Variants in PML observed in about 807,000 individuals in gnomAD.
The protein encoded by PML is PML nuclear body scaffold.
A neutral mutation model predicts 65.2 loss-of-function variants in PML; 28 were observed. The ratio of observed to expected loss-of-function variants is 0.43; its 90% CI spans 0.32 to 0.59. The LOEUF (loss-of-function observed/expected upper bound fraction) is 0.59. Among genes scored for constraint, PML ranks in the 20% least tolerant of loss-of-function variants. The pLI, the probability that PML is intolerant of heterozygous loss-of-function variation, is 0.08. For synonymous variants in PML, 500 were observed against 508.8 expected (o/e 0.98, Z 0.23); for missense variants, 1,021 against 1,203.4 (o/e 0.85, Z 2.24).
At chr15:73,999,720 T>C (rs1595876917) in intron 2 of PML, among the ~76,000 whole-genome samples, 1 of 152,354 alleles carries the variant, frequency 6.6e-6, no homozygotes, top group Non-Finnish European at 1.5e-5. Context: ...GCTCTTACAA[T>C]TTATGCAGTT....
rs1484441017 is a variant in PML at position 74,042,937 on chromosome 15, G to C, written c.1711-52G>C. The C allele has an allele frequency of 6.2e-7, 1 of 1,611,944 alleles. No homozygotes were observed. The highest frequency in any genetic ancestry group is 8.5e-7 in the Non-Finnish European group (1 of 1,179,980). ...ACCAGCTTGCTAGTGTTCTGCACAG[G>C]TGCTTGCCTTGGCCCTCTGAATCCC... is the stretch of plus-strand genomic sequence containing the variant. On this transcript the variant is annotated intron_variant, in intron 7 of 8. Transcript: ENST00000268058. This position sits in a 1 kb window ranked among gnomAD's most constrained non-coding sequence, Gnocchi z 5.3.
At position 74,035,990 on chromosome 15, in the gene PML, C is replaced by G. The variant is rs780898373; in HGVS notation, c.1710+1460C>G. On this transcript the variant is annotated intron_variant, in intron 7 of 8. Transcript: ENST00000268058. This position sits in a 1 kb window ranked among gnomAD's most constrained non-coding sequence, Gnocchi z 4.1. ...CTCTTGTAACCTTGCAGCCAACACCCCTGCCCGGCCCCTGAGCTGCCTCCT... is the reference window on the plus strand; with the variant it reads ...CTCTTGTAACCTTGCAGCCAACACCGCTGCCCGGCCCCTGAGCTGCCTCCT... 1 of 1,614,132 alleles carries G rather than the reference C, an allele frequency of 6.2e-7. No homozygotes were observed. The highest frequency in any genetic ancestry group is 8.5e-7 in the Non-Finnish European group (1 of 1,180,030).
intron 5 of PML, 108 bp from the exon 6 acceptor site, chr15:74,033,048 G>A: frequency 8.4e-7 from 1 of 1,187,340 alleles, no homozygotes; most frequent in Non-Finnish European, 1.2e-6. Context: ...CAGAGGAGAG[G>A]GGACAGCAGG....
At chr15:74,040,940 A>C (rs1245379592) in intron 7 of PML, among the ~76,000 whole-genome samples, 1 of 152,234 alleles carries the variant, frequency 6.6e-6, no homozygotes, top group Non-Finnish European at 1.5e-5. Context: ...AGTGGCTGCC[A>C]TAAATGACCC....
rs1301616256 is a variant in PML, at chr15:74,042,549, T to C, written c.1711-440T>C. 3.0e-6 allele frequency: 3 copies of C among 985,268 alleles called. No homozygotes were observed. Among genetic ancestry groups the C allele is most frequent in the African/African-American group, 1.7e-5 (1 of 57,234 alleles). The allele number at this position is 985,268 out of a possible 1,614,324, so 61.0% of individuals were successfully genotyped here. A position where few individuals can be genotyped will look rare whatever the true frequency, so the allele number is the denominator to read the frequency against. On this transcript the variant is annotated intron_variant, in intron 7 of 8. Coordinates refer to ENST00000268058, the MANE Select transcript of PML (RefSeq NM_033238.3). This position sits in a 1 kb window ranked among gnomAD's most constrained non-coding sequence, Gnocchi z 5.3. Reference sequence around the variant, plus strand: ...CAGACATCTCAGGTCCTGCCTGCCATAGCAGATGGCTCCTTCCCTGAGCCT... The same window carrying C: ...CAGACATCTCAGGTCCTGCCTGCCACAGCAGATGGCTCCTTCCCTGAGCCT...
In PML at chr15:74,023,071, C is replaced by T; in HGVS notation, c.846C>T (p.Arg282=). 1 of 1,602,922 alleles carries T rather than the reference C, an allele frequency of 6.2e-7. No homozygotes were observed. Among genetic ancestry groups the T allele is most frequent in the Non-Finnish European group, 8.5e-7 (1 of 1,178,594 alleles). Residue 282 remains arginine, a synonymous_variant, in exon 3 of 9, where the codon CGC becomes CGT. Transcript: ENST00000268058. ...RAETEELIRE[R]VRQVVAHVRA... ...AGACCGAGGAGCTGATCCGCGAGCG[C>T]GTGCGCCAGGTGGTAGCTCACGTGC...
chr15:74,034,371 T>C (rs985929015), intron 6 of PML, 107 bp from the exon 7 acceptor site: 1 of 1,484,708 alleles, frequency 6.7e-7, no homozygotes, highest in African/African-American at 1.4e-5. Context: ...AGGGCATCCG[T>C]TTCCCCCAGC....
Position 74,044,747 on chromosome 15 carries a change from C to A in PML, c.2388C>A (p.Arg796=), listed in dbSNP as rs748085152. ...CTGTGCTGCCCCGGGCTGAGGCCCGCCTCCTGGCCCTACACAACGTGAGCT... is the reference window on the plus strand; with the variant it reads ...CTGTGCTGCCCCGGGCTGAGGCCCGACTCCTGGCCCTACACAACGTGAGCT... ...QAAVLPRAEA[R]LLALHNVSFM... The change falls in exon 9 of 9, where the codon CGC becomes CGA. Residue 796 remains arginine, a synonymous_variant. Coordinates refer to ENST00000268058, the MANE Select transcript of PML (RefSeq NM_033238.3). The A allele has an allele frequency of 1.2e-6, 2 of 1,612,224 alleles. No individual in the cohort carries two copies. Among genetic ancestry groups the A allele is most frequent in the Non-Finnish European group, 1.7e-6 (2 of 1,180,026 alleles).
In PML at chr15:74,047,762, T is replaced by C. The variant is rs901776956; in HGVS notation, c.*2754T>C. 3 of 184,044 alleles carry C rather than the reference T, an allele frequency of 1.6e-5. No individual in the cohort carries two copies. The highest frequency in any genetic ancestry group is 3.5e-5 in the Non-Finnish European group (3 of 86,806). The allele number at this position is 184,044 out of a possible 1,614,324, so 11.4% of individuals were successfully genotyped here. On this transcript the variant is annotated 3_prime_UTR_variant, in exon 9 of 9. Coordinates refer to ENST00000268058, the MANE Select transcript of PML (RefSeq NM_033238.3). ...TGCACAAATTTAAGATCTTACTGCT[T>C]TATAAAGTGCTTTATGAATTATAGG...
chr15:74,020,120 T>G (rs1369272466), intron 2 of PML, among the ~76,000 whole-genome samples: 2 of 152,176 alleles, frequency 1.3e-5, no homozygotes, highest in African/African-American at 4.8e-5. Context: ...GAGTTATTAG[T>G]TCTTTTCATA....
At position 74,023,158 on chromosome 15, in the gene PML, G is replaced by A; in HGVS notation, c.933G>A (p.Glu311=). 6.2e-7 allele frequency: 1 copy of A among 1,605,440 alleles called. No homozygotes were observed. The highest frequency in any genetic ancestry group is 8.5e-7 in the Non-Finnish European group (1 of 1,177,628). Reference sequence around the variant, plus strand: ...CGCGGTACCAGCGCGACTACGAGGAGATGGCCAGTCGGCTGGGCCGCCTGG... The same window carrying A: ...CGCGGTACCAGCGCGACTACGAGGAAATGGCCAGTCGGCTGGGCCGCCTGG... ...VDARYQRDYE[E]MASRLGRLDA... is the part of the protein sequence containing the mutation. Residue 311 remains glutamate, a synonymous_variant, in exon 3 of 9, where the codon GAG becomes GAA. Coordinates refer to ENST00000268058, the MANE Select transcript of PML (RefSeq NM_033238.3).
chr15:74,043,414 A>T lies in PML; in HGVS notation c.1861+275A>T. The T allele has an allele frequency of 2.1e-6, 3 of 1,412,950 alleles. No individual in the cohort carries two copies. The highest frequency in any genetic ancestry group is 2.8e-6 in the Non-Finnish European group (3 of 1,085,998). The allele number at this position is 1,412,950 out of a possible 1,614,324, so 87.5% of individuals were successfully genotyped here. ...TGACCAGTTCTTCTCTCAGACAGAG[A>T]GCCTGGGGAACACACTCCTAGACAG... On this transcript the variant is annotated intron_variant, in intron 8 of 8. Transcript: ENST00000268058. This position sits in a 1 kb window ranked among gnomAD's most constrained non-coding sequence, Gnocchi z 4.3.
At position 74,037,604 on chromosome 15, in the gene PML, C is replaced by A. The variant is rs1311299994; in HGVS notation, c.1710+3074C>A. 2.0e-6 allele frequency: 2 copies of A among 985,302 alleles called. No homozygotes were observed. The highest frequency in any genetic ancestry group is 3.5e-5 in the African/African-American group (2 of 57,226). 61.0% of individuals were successfully genotyped at this position (985,302 alleles called of 1,614,324 possible). A position where few individuals can be genotyped will look rare whatever the true frequency, so the allele number is the denominator to read the frequency against. On this transcript the variant is annotated intron_variant, in intron 7 of 8. Coordinates refer to ENST00000268058, the MANE Select transcript of PML (RefSeq NM_033238.3). This position sits in a 1 kb window ranked among gnomAD's most constrained non-coding sequence, Gnocchi z 4.2. ...CTTCTTCACCCCACCTCCTGCGCTT[C>A]CCCGCCAGTACCAGGGTGGCCTCTG...
At chr15:74,005,304 G>C (rs2069987256) in intron 2 of PML, among the ~76,000 whole-genome samples, 1 of 152,138 alleles carries the variant, frequency 6.6e-6, no homozygotes, top group Non-Finnish European at 1.5e-5. Flanking sequence ...ACCCGCCTCA[G>C]CCTCCCAAAG....
intron 2 of PML, among the ~76,000 whole-genome samples, chr15:74,021,441 C>G (rs1036810455): frequency 9.2e-5 from 14 of 151,976 alleles, no homozygotes; most frequent in Admixed American, 8.5e-4. Flanking sequence ...ACAAAATTAG[C>G]CGGGGTGGTG....
chr15:74,023,277 T>TCCTGCGCCAGGCGCTCTGCCG lies in PML; in HGVS notation c.1064_1084dup (p.Ala355_Gln361dup). ...CAGGAGGTGCTGGACATGCACGGTT[T>TCCTGCGCCAGGCGCTCTGCCG]CCTGCGCCAGGCGCTCTGCCGCCTG... On this transcript the variant is annotated inframe_insertion, in exon 3 of 9. Coordinates refer to ENST00000268058, the MANE Select transcript of PML (RefSeq NM_033238.3). 1.9e-6 allele frequency: 3 copies of TCCTGCGCCAGGCGCTCTGCCG among 1,610,638 alleles called. No homozygotes were observed. The highest frequency in any genetic ancestry group is 2.2e-5 in the East Asian group (1 of 44,866).
chr15:74,033,574 AGAGTGG>A, intron 6 of PML, 160 bp downstream of exon 6: 1 of 803,708 alleles, frequency 1.2e-6, no homozygotes, highest in Non-Finnish European at 2.1e-6. Flanking sequence ...CGTGGGGGTG[AGAGTGG>A]ACACAGTTTA....
intron 4 of PML, 66 bp downstream of exon 4, chr15:74,024,993 C>A: frequency 9.7e-7 from 1 of 1,036,240 alleles, no homozygotes; most frequent in Non-Finnish European, 1.5e-6. Context: ...GTTGTGAGTC[C>A]TGCTGTCCCT....
chr15:74,041,727 G>T (rs2071701828), intron 7 of PML, among the ~76,000 whole-genome samples: 2 of 152,244 alleles, frequency 1.3e-5, no homozygotes, highest in South Asian at 4.1e-4. Context: ...GTTGAAGCTT[G>T]GTTGGAAGCA....
Sources: gnomAD v4.1 joint callset for allele counts (sites outside exome capture counted in the v4.1 genomes callset) on GRCh38, gnomAD v4.1.1 for gene constraint, Gnocchi (gnomAD v3.1) non-coding constraint, MANE v1.5 for transcripts, NCBI Gene and HGNC (gene_info 2026-07-23, HGNC 2026-07-21) for gene names.